The following CLDN7 variants were observed in gnomAD, a reference collection of about 807,000 sequenced individuals.
CLDN7 encodes the protein claudin 7, also known as claudin-7.
In CLDN7, 15 loss-of-function variants were observed where a neutral mutation model predicts 20.3. That is an observed-to-expected ratio of 0.74 (90% confidence interval 0.49 to 1.14). CLDN7 has a LOEUF of 1.14. Ranked by LOEUF, CLDN7 falls within the 50% of genes most tolerant of loss-of-function variation. The probability of loss-of-function intolerance (pLI) is 0.00; values close to 1 mark genes in which losing one functional copy is unlikely to be tolerated. For synonymous variants in CLDN7, 117 were observed against 106.1 expected (o/e 1.10, Z -0.63); for missense variants, 261 against 274.2 (o/e 0.95, Z 0.34).
In CLDN7 at chr17:7,260,882, T is replaced by C. The variant is rs747479920; in HGVS notation, c.327A>G (p.Gly109=). 6.2e-7 allele frequency: 1 copy of C among 1,614,046 alleles called. No homozygotes were observed. The highest frequency in any genetic ancestry group is 1.3e-5 in the African/African-American group (1 of 75,012). Reference sequence around the variant, plus strand: ...TACGGGCCTTCTTCACTTTGTCGTCTCCCCCACAGCGCGTGCACTTCATGC... The same window carrying C: ...TACGGGCCTTCTTCACTTTGTCGTCCCCCCCACAGCGCGTGCACTTCATGC... ...TMGMKCTRCG[G]DDKVKKARIA... is the part of the protein sequence containing the mutation. Residue 109 remains glycine (G), a synonymous_variant, in exon 2 of 4, where the codon GGA becomes GGG. Transcript: ENST00000360325.
chr17:7,260,822 T>G lies in CLDN7; in HGVS notation c.387A>C (p.Ala129=). 2 of 1,614,228 alleles carry G rather than the reference T, an allele frequency of 1.2e-6. No individual in the cohort carries two copies. The highest frequency in any genetic ancestry group is 1.7e-6 in the Non-Finnish European group (2 of 1,180,038). Residue 129 remains alanine, a splice_region_variant and synonymous_variant, in exon 2 of 4, where the codon GCA becomes GCC. Coordinates refer to ENST00000360325, the MANE Select transcript of CLDN7 (RefSeq NM_001307.6). ...AMGGGIIFIV[A]GLAALVACSW... is the part of the protein sequence containing the mutation. ...AGATGGGAGAACCCGGGGGCTCACCTGCCACGATGAAAATTATGCCTCCAC... is the reference window on the plus strand; with the variant it reads ...AGATGGGAGAACCCGGGGGCTCACCGGCCACGATGAAAATTATGCCTCCAC...
At position 7,262,185 on chromosome 17, in the gene CLDN7, G is replaced by A. The variant is rs2072237740; in HGVS notation, c.-142C>T. 6.9e-7 allele frequency: 1 copy of A among 1,446,074 alleles called. No individual in the cohort carries two copies. 89.6% of individuals were successfully genotyped at this position (1,446,074 alleles called of 1,614,324 possible). On this transcript the variant is annotated 5_prime_UTR_variant, in exon 1 of 4. Transcript: ENST00000360325. This position sits in a 1 kb window ranked among gnomAD's most constrained non-coding sequence, Gnocchi z 6.6. ...AAGAGACAAAAAGGGTTTGGGCCAG[G>A]TGAATGCAAATCTTGTCACCAAACT...
At chr17:7,261,145 G>T in intron 1 of CLDN7, 160 bp from the exon 2 acceptor site, 1 of 968,420 alleles carries the variant, frequency 1.0e-6, no homozygotes, top group Non-Finnish European at 1.5e-6. Flanking sequence ...GGGCCAAGCG[G>T]GCAGGTCCCC....
At chr17:7,261,123 T>TCTTG in intron 1 of CLDN7, 138 bp from the exon 2 acceptor site, 1 of 1,222,474 alleles carries the variant, frequency 8.2e-7, no homozygotes, top group Non-Finnish European at 1.1e-6. Flanking sequence ...GGCGCCCAGG[T>TCTTG]GTCCAAGACC....
rs1161206552 is a variant in CLDN7 at position 7,260,049 on chromosome 17, C to G, written c.*325G>C. ...TGGAGTCAGTGGGGTGCTAAGTGTT[C>G]TGAACTGAAGTAGGTGCACTAAGGT... On this transcript the variant is annotated 3_prime_UTR_variant, in exon 4 of 4. Transcript: ENST00000360325. 7 of 333,240 alleles carry G rather than the reference C, an allele frequency of 2.1e-5. No individual in the cohort carries two copies. The highest frequency in any genetic ancestry group is 5.5e-6 in the Non-Finnish European group (1 of 182,746). 20.6% of individuals were successfully genotyped at this position (333,240 alleles called of 1,614,324 possible).
At chr17:7,261,188 G>A (rs1350627402) in intron 1 of CLDN7, 6 of 666,168 alleles carry the variant, frequency 9.0e-6, no homozygotes, top group African/African-American at 1.9e-5. Context: ...TCCTGCTCCC[G>A]CCCCGCCCTC....
rs2072175533 is a variant in CLDN7 at position 7,259,915 on chromosome 17, ATCTT to A, written c.*455_*458del. On this transcript the variant is annotated 3_prime_UTR_variant, in exon 4 of 4. Transcript: ENST00000360325. ...TAGAACACCCCCGTACCTAATAAAA[ATCTT>A]TATTTTTTTATTAAAAAAGAAGTAC... is the stretch of plus-strand genomic sequence containing the variant. 2.0e-6 allele frequency: 1 copy of A among 511,058 alleles called. No individual in the cohort carries two copies. The highest frequency in any genetic ancestry group is 5.3e-5 in the South Asian group (1 of 18,840). 31.7% of individuals were successfully genotyped at this position (511,058 alleles called of 1,614,324 possible).
Position 7,260,879 on chromosome 17 carries a change from G to A in CLDN7, c.330C>T (p.Asp110=). 1 of 1,614,180 alleles carries A rather than the reference G, an allele frequency of 6.2e-7. No individual in the cohort carries two copies. Among genetic ancestry groups the A allele is most frequent in the Non-Finnish European group, 8.5e-7 (1 of 1,180,040 alleles). The change falls in exon 2 of 4, where the codon GAC becomes GAT. Residue 110 remains aspartate (D), a synonymous_variant. Transcript: ENST00000360325. ...CTATACGGGCCTTCTTCACTTTGTC[G>A]TCTCCCCCACAGCGCGTGCACTTCA... is the stretch of plus-strand genomic sequence containing the variant. ...MGMKCTRCGG[D]DKVKKARIAM...
chr17:7,260,035 G>A lies in CLDN7; in HGVS notation c.*339C>T. The A allele has an allele frequency of 2.9e-6, 1 of 338,986 alleles. No individual in the cohort carries two copies. The highest frequency in any genetic ancestry group is 2.1e-5 in the African/African-American group (1 of 47,550). The allele number at this position is 338,986 out of a possible 1,614,324, so 21.0% of individuals were successfully genotyped here. A position where few individuals can be genotyped will look rare whatever the true frequency, so the allele number is the denominator to read the frequency against. On this transcript the variant is annotated 3_prime_UTR_variant, in exon 4 of 4. Coordinates refer to ENST00000360325, the MANE Select transcript of CLDN7 (RefSeq NM_001307.6). ...TAGTCAATTGTCAGTGGAGTCAGTGGGGTGCTAAGTGTTCTGAACTGAAGT... is the reference window on the plus strand; with the variant it reads ...TAGTCAATTGTCAGTGGAGTCAGTGAGGTGCTAAGTGTTCTGAACTGAAGT...
chr17:7,262,184 G>A lies in CLDN7; in HGVS notation c.-141C>T, dbSNP rs935687985. 3 of 1,446,364 alleles carry A rather than the reference G, an allele frequency of 2.1e-6. No individual in the cohort carries two copies. Among genetic ancestry groups the A allele is most frequent in the African/African-American group, 1.4e-5 (1 of 70,002 alleles). The allele number at this position is 1,446,364 out of a possible 1,614,324, so 89.6% of individuals were successfully genotyped here. On this transcript the variant is annotated 5_prime_UTR_variant, in exon 1 of 4. Transcript: ENST00000360325. This position sits in a 1 kb window ranked among gnomAD's most constrained non-coding sequence, Gnocchi z 6.6. Reference sequence around the variant, plus strand: ...AAAGAGACAAAAAGGGTTTGGGCCAGGTGAATGCAAATCTTGTCACCAAAC... The same window carrying A: ...AAAGAGACAAAAAGGGTTTGGGCCAAGTGAATGCAAATCTTGTCACCAAAC...
chr17:7,260,635 G>A lies in CLDN7; in HGVS notation c.473+7C>T. 1.2e-6 allele frequency: 2 copies of A among 1,614,124 alleles called. No individual in the cohort carries two copies. Among genetic ancestry groups the A allele is most frequent in the Non-Finnish European group, 1.7e-6 (2 of 1,180,008 alleles). The stretch of plus-strand genomic sequence containing the variant: ...GTCCCCTTAGGAGGCAGGGTTCCCA[G>A]ACTTACTTAATGTTGGTAGGGATCA... On this transcript the variant is annotated splice_region_variant and intron_variant, in intron 3 of 3. Coordinates refer to ENST00000360325, the MANE Select transcript of CLDN7 (RefSeq NM_001307.6).
intron 1 of CLDN7, 62 bp downstream of exon 1, chr17:7,261,759 A>C: frequency 6.9e-7 from 1 of 1,441,868 alleles, no homozygotes; most frequent in Non-Finnish European, 9.3e-7. Flanking sequence ...CGGCTCTCCC[A>C]CGCGCGCCAC....
At chr17:7,262,537 C>G (rs2072242559), upstream of CLDN7, 1 of 343,374 alleles carries the variant, frequency 2.9e-6, no homozygotes, top group Non-Finnish European at 4.1e-6. The surrounding 1 kb of genome is among the most constrained non-coding windows in gnomAD (Gnocchi z 6.6). Flanking sequence ...CCGCGCGCCC[C>G]GGGAGCGCGG....
rs949790613 is a variant in CLDN7 at position 7,262,405 on chromosome 17, A to G, written c.-362T>C. On this transcript the variant is annotated 5_prime_UTR_variant, in exon 1 of 4. Transcript: ENST00000360325. The surrounding 1 kb of genome is among the most constrained non-coding windows in gnomAD (Gnocchi z 6.6). ...GTTTCTGAGCGCCGGCAAGTCCCAAAGTATCCTGGGCTGTAGGTCCGAGGC... is the reference window on the plus strand; with the variant it reads ...GTTTCTGAGCGCCGGCAAGTCCCAAGGTATCCTGGGCTGTAGGTCCGAGGC... 1 of 1,172,166 alleles carries G rather than the reference A, an allele frequency of 8.5e-7. No individual in the cohort carries two copies. The highest frequency in any genetic ancestry group is 1.8e-5 in the South Asian group (1 of 54,820). 72.6% of individuals were successfully genotyped at this position (1,172,166 alleles called of 1,614,324 possible).
Position 7,260,411 on chromosome 17 carries a change from G to C in CLDN7, c.599C>G (p.Ser200Cys). 6.2e-7 allele frequency: 1 copy of C among 1,613,350 alleles called. No homozygotes were observed. Among genetic ancestry groups the C allele is most frequent in the South Asian group, 1.1e-5 (1 of 90,970 alleles). ...CTTGGAAGAGTTGGACTTAGGGTAA[G>C]AGCGGGGTACACGGTACCCAGCCTT... The part of the protein sequence containing the change: ...ESKAGYRVPR[S>C]YPKSNSSKEY... Residue 200 changes from serine (S) to cysteine (C), a missense_variant, in exon 4 of 4, where the codon TCT becomes TGT. Physicochemically the swap from Ser to Cys is moderately radical, Grantham distance 112. This residue lies in a region of CLDN7 where 215 missense variants were observed against 199.6 expected (regional missense o/e 1.08). Transcript: ENST00000360325.
chr17:7,260,396 T>G lies in CLDN7; in HGVS notation c.614A>C (p.Asn205Thr). Residue 205 changes from asparagine to threonine, a missense_variant, in exon 4 of 4, where the codon AAC (asparagine) becomes ACC (threonine). By Grantham distance (65) the Asn-to-Thr change is moderately conservative. Around this residue, in one of 2 missense-constraint regions of CLDN7, gnomAD observed 215 missense variants for 199.6 expected, o/e 1.08. Transcript: ENST00000360325. The part of the protein sequence containing the change: ...YRVPRSYPKS[N>T]SSKEYV ...AGGTCACACATACTCCTTGGAAGAG[T>G]TGGACTTAGGGTAAGAGCGGGGTAC... 1 of 1,611,390 alleles carries G rather than the reference T, an allele frequency of 6.2e-7. No individual in the cohort carries two copies. Among genetic ancestry groups the G allele is most frequent in the South Asian group, 1.1e-5 (1 of 90,740 alleles).
rs556173986 is a variant in CLDN7 at position 7,261,862 on chromosome 17, A to T, written c.182T>A (p.Met61Lys). Reference protein sequence around the residue: ...WMDCVTQSTGMMSCKMYDSVL... With the variant: ...WMDCVTQSTGKMSCKMYDSVL... Reference sequence around the variant, plus strand: ...CGAGTCGTACATTTTGCAGCTCATCATCCCCGTGCTCTGCGTGACGCAGTC... The same window carrying T: ...CGAGTCGTACATTTTGCAGCTCATCTTCCCCGTGCTCTGCGTGACGCAGTC... Residue 61 changes from methionine to lysine, a missense_variant, in exon 1 of 4, where the codon ATG (methionine) becomes AAG (lysine). Coordinates refer to ENST00000360325, the MANE Select transcript of CLDN7 (RefSeq NM_001307.6). 6.2e-6 allele frequency: 10 copies of T among 1,614,104 alleles called. No homozygotes were observed. In the South Asian group the frequency reaches 1.1e-4, roughly 18 times the overall value.
chr17:7,260,425 G>T lies in CLDN7; in HGVS notation c.585C>A (p.Tyr195Ter). The change falls in exon 4 of 4, where the codon TAC becomes TAA. Residue 195 changes from tyrosine to a stop codon, truncating the protein, a stop_gained. Coordinates refer to ENST00000360325, the MANE Select transcript of CLDN7 (RefSeq NM_001307.6). LOFTEE classifies it high-confidence loss of function. Reference protein sequence around the residue: ...SCPGNESKAGYRVPRSYPKSN... With the variant: ...SCPGNESKAG ...ACTTAGGGTAAGAGCGGGGTACACG[G>T]TACCCAGCCTTGCTCTCATTCCCAG... 1 of 1,613,906 alleles carries T rather than the reference G, an allele frequency of 6.2e-7. No individual in the cohort carries two copies. Among genetic ancestry groups the T allele is most frequent in the Non-Finnish European group, 8.5e-7 (1 of 1,179,916 alleles).
chr17:7,261,012 C>A (rs1169401149), intron 1 of CLDN7, 27 bp from the exon 2 acceptor site: 1 of 1,591,850 alleles, frequency 6.3e-7, no homozygotes, highest in Non-Finnish European at 8.5e-7. Context: ...AGGGCGCCGT[C>A]ATTGCTGGAA....
Sources: gnomAD v4.1 joint callset for allele counts on GRCh38, gnomAD v4.1.1 for gene constraint, gnomAD v4.1.1 regional missense constraint, Gnocchi (gnomAD v3.1) non-coding constraint, MANE v1.5 for transcripts, NCBI Gene and HGNC (gene_info 2026-07-23, HGNC 2026-07-21) for gene names.